Variants in CLOCK observed in about 807,000 individuals in gnomAD.
The protein encoded by CLOCK is circadian locomoter output cycles protein kaput.
A neutral mutation model predicts 118.4 loss-of-function variants in CLOCK; 43 were observed. That is an observed-to-expected ratio of 0.36 (90% CI 0.28 to 0.47). The LOEUF (loss-of-function observed/expected upper bound fraction) is 0.47. CLOCK is among the 20% of genes least tolerant of loss of function. CLOCK has a pLI of 1.00. For synonymous variants in CLOCK, 326 were observed against 339.2 expected, an observed-to-expected ratio of 0.96 and a Z score of 0.43; for missense variants, 846 against 999.9, an observed-to-expected ratio of 0.85 and a Z score of 2.08.
chr4:55,504,283 C>CA (rs35414558), intron 2 of CLOCK, among the ~76,000 whole-genome samples: 1,817 of 51,848 alleles, frequency 0.035, 165 homozygotes, highest in African/African-American at 0.081. Flanking sequence ...GAGACTCCAT[C>CA]AAAAAAAAAA....
At position 55,453,270 on chromosome 4, in the gene CLOCK, C is replaced by T. The variant is rs907978690; in HGVS notation, c.1131-141G>A. On this transcript the variant is annotated intron_variant, in intron 14 of 22. Transcript: ENST00000513440. ...ATGTGCTACACAAACCTAAAATATA[C>T]CTATAATGTCTTAATTTAACTTGCA... The T allele has an allele frequency of 7.4e-6, 5 of 673,992 alleles. No individual in the cohort carries two copies. In the Admixed American group the frequency reaches 7.8e-5, roughly 11 times the overall value. The allele number at this position is 673,992 out of a possible 1,614,324, so 41.8% of individuals were successfully genotyped here.
At chr4:55,495,731 A>C (rs1372446982) in intron 2 of CLOCK, among the ~76,000 whole-genome samples, 1 of 151,412 alleles carries the variant, frequency 6.6e-6, no homozygotes, top group Non-Finnish European at 1.5e-5. Context: ...GTTCCACCCC[A>C]CCTCCCACTC....
chr4:55,538,141 T>A (rs1187014308), intron 1 of CLOCK, among the ~76,000 whole-genome samples: 2 of 152,226 alleles, frequency 1.3e-5, no homozygotes, highest in Non-Finnish European at 2.9e-5. Flanking sequence ...TTACACTTTC[T>A]ACAGATATTA....
intron 2 of CLOCK, among the ~76,000 whole-genome samples, chr4:55,490,208 A>G (rs1389307172): frequency 1.3e-5 from 2 of 152,116 alleles, no homozygotes; most frequent in East Asian, 3.8e-4. Context: ...ATGGCAGCCT[A>G]AAGAGTATAA....
chr4:55,456,549 C>T (rs1295804875), intron 11 of CLOCK, among the ~76,000 whole-genome samples: 1 of 152,064 alleles, frequency 6.6e-6, no homozygotes, highest in East Asian at 1.9e-4. Context: ...GTAATCCCAG[C>T]TATTCGGCAG....
chr4:55,448,758 G>A, intron 18 of CLOCK, 21 bp downstream of exon 18: 3 of 1,597,666 alleles, frequency 1.9e-6, no homozygotes, highest in East Asian at 2.2e-5. Context: ...ATACGCAACT[G>A]AAACAAAAAC....
Position 55,456,311 on chromosome 4 carries a change from A to G in CLOCK, c.793-11T>C, listed in dbSNP as rs541696570. ...AACAGTGCACATTTCCTACAAATAA[A>G]TAATTAAAATTTATAAATACTTTGT... On this transcript the variant is annotated splice_polypyrimidine_tract_variant and intron_variant, in intron 11 of 22. Transcript: ENST00000513440. 2.0e-6 allele frequency: 3 copies of G among 1,474,220 alleles called. No individual in the cohort carries two copies. In the East Asian group the frequency reaches 7.3e-5, roughly 36 times the overall value. The allele number at this position is 1,474,220 out of a possible 1,614,324, so 91.3% of individuals were successfully genotyped here.
intron 18 of CLOCK, among the ~76,000 whole-genome samples, chr4:55,446,793 T>C (rs976026316): frequency 1.3e-5 from 2 of 152,052 alleles, no homozygotes; most frequent in African/African-American, 2.4e-5. Context: ...GCAGAAAGAG[T>C]TTCACTTTAT....
At chr4:55,445,105 T>TCCCGGTTAGCC (rs147009588) in intron 18 of CLOCK, among the ~76,000 whole-genome samples, 1 of 136,996 alleles carries the variant, frequency 7.3e-6, no homozygotes, top group Admixed American at 7.8e-5. Flanking sequence ...ACGGGAAGCT[T>TCCCGGTTAGCC]TTAATATTTT....
chr4:55,507,821 T>C (rs1182315690), intron 2 of CLOCK, among the ~76,000 whole-genome samples: 1 of 152,274 alleles, frequency 6.6e-6, no homozygotes, highest in East Asian at 1.9e-4. Context: ...GTGCCAAATA[T>C]GTGCCAGGCC....
In CLOCK at chr4:55,445,075, G is replaced by T. The variant is rs142185009; in HGVS notation, c.1540-290C>A. 5.5e-4 allele frequency among the ~76,000 whole-genome samples: 74 copies of T among 135,094 alleles called. 1 individual carries two copies. The East Asian group carries it at 0.018, about 32-fold the overall frequency. The allele number at this position is 135,094 out of a possible 152,430, so 88.6% of individuals were successfully genotyped here. On this transcript the variant is annotated intron_variant, in intron 18 of 22. Transcript: ENST00000513440. ...TCAACTCCTGGTTCTGGTGCTTCTT[G>T]CTCTTATGTCAGGGTGCCAACGGGA...
chr4:55,512,938 A>G (rs1484755114), intron 1 of CLOCK, among the ~76,000 whole-genome samples: 1 of 152,202 alleles, frequency 6.6e-6, no homozygotes, highest in Non-Finnish European at 1.5e-5. Context: ...AAATTATAAT[A>G]TGGAGCTGAA....
At chr4:55,532,543 A>T (rs763643938) in intron 1 of CLOCK, among the ~76,000 whole-genome samples, 4 of 149,456 alleles carry the variant, frequency 2.7e-5, no homozygotes, top group Admixed American at 6.7e-5. Context: ...AGGAAAATTT[A>T]AAAAAAAAAA....
intron 3 of CLOCK, among the ~76,000 whole-genome samples, chr4:55,483,772 A>G (rs1727098496): frequency 6.6e-6 from 1 of 152,242 alleles, no homozygotes; most frequent in South Asian, 2.1e-4. Context: ...TTGAGAATAC[A>G]AGTGGTAAAC....
chr4:55,479,183 T>C (rs1314119882), intron 5 of CLOCK: 6 of 436,330 alleles, frequency 1.4e-5, no homozygotes, highest in Middle Eastern at 6.4e-4. Context: ...GACAAACATG[T>C]TTTTATGAAA....
chr4:55,459,824 G>C (rs1344409347), intron 9 of CLOCK, among the ~76,000 whole-genome samples: 2 of 151,956 alleles, frequency 1.3e-5, no homozygotes, highest in African/African-American at 4.8e-5. Context: ...CACCATGCCT[G>C]GCTAATTTTT....
At chr4:55,523,299 A>G (rs536557024) in intron 1 of CLOCK, among the ~76,000 whole-genome samples, 1 of 151,888 alleles carries the variant, frequency 6.6e-6, no homozygotes, top group Admixed American at 6.5e-5. Flanking sequence ...ACTCTGTCAA[A>G]AACAAACAAA....
Position 55,442,608 on chromosome 4 carries a change from G to A in CLOCK, c.1929C>T (p.His643=), listed in dbSNP as rs1723462969. 6.2e-7 allele frequency: 1 copy of A among 1,612,848 alleles called. No individual in the cohort carries two copies. Among genetic ancestry groups the A allele is most frequent in the Non-Finnish European group, 8.5e-7 (1 of 1,179,828 alleles). The change falls in exon 21 of 23, where the codon CAC becomes CAT. Residue 643 remains histidine, a synonymous_variant. Coordinates refer to ENST00000513440, the MANE Select transcript of CLOCK (RefSeq NM_004898.4). ...TQSQQNVLSG[H]SQQTSLPSQT... ...GACTGGGTAGAGATGTTTGCTGACT[G>A]TGCCCACTCAGTACATTTTGTTGAC... is the stretch of plus-strand genomic sequence containing the variant.
At chr4:55,447,584 A>C (rs1443787793) in intron 18 of CLOCK, among the ~76,000 whole-genome samples, 1 of 152,158 alleles carries the variant, frequency 6.6e-6, no homozygotes, top group Admixed American at 6.5e-5. Flanking sequence ...GGTGAACAAA[A>C]TGTGAGACAT....
Sources: gnomAD v4.1 joint callset for allele counts (sites outside exome capture counted in the v4.1 genomes callset) on GRCh38, gnomAD v4.1.1 for gene constraint, MANE v1.5 for transcripts, NCBI Gene and HGNC (gene_info 2026-07-23, HGNC 2026-07-21) for gene names.